Variants in CEMIP observed in about 807,000 individuals in gnomAD.
CEMIP encodes the protein cell migration inducing hyaluronidase 1.
A neutral mutation model predicts 156.9 loss-of-function variants in CEMIP; 105 were observed. The ratio of observed to expected loss-of-function variants is 0.67; its 90% confidence interval spans 0.57 to 0.79. The LOEUF is 0.79. Ranked by LOEUF, CEMIP falls within the 30% of genes least tolerant of loss-of-function variation. CEMIP has a pLI of 0.00. For missense variants in CEMIP, 1,457 were observed against 1,769.4 expected, an observed-to-expected ratio of 0.82 and a Z score of 3.17; for synonymous variants, 676 against 668.4, an observed-to-expected ratio of 1.01 and a Z score of -0.17.
chr15:80,943,831 C>T (rs920984424), intron 28 of CEMIP, among the ~76,000 whole-genome samples: 1 of 152,228 alleles, frequency 6.6e-6, no homozygotes, highest in Non-Finnish European at 1.5e-5. Flanking sequence ...GTTGCCCCAA[C>T]TCCAACCCAT....
intron 12 of CEMIP, chr15:80,901,099 A>C: frequency 2.6e-6 from 1 of 385,442 alleles, no homozygotes; most frequent in Non-Finnish European, 5.3e-6. Flanking sequence ...CCCTCCCTTG[A>C]TTTTCCACCC....
At chr15:80,895,643 T>C (rs1899193201) in intron 11 of CEMIP, among the ~76,000 whole-genome samples, 1 of 152,146 alleles carries the variant, frequency 6.6e-6, no homozygotes, top group Non-Finnish European at 1.5e-5. Flanking sequence ...AAGAAGTTAG[T>C]GGAAAATTCC....
At chr15:80,832,590 T>C (rs1234136150) in intron 1 of CEMIP, among the ~76,000 whole-genome samples, 1 of 152,132 alleles carries the variant, frequency 6.6e-6, no homozygotes, top group Non-Finnish European at 1.5e-5. Context: ...TTTGCCACTT[T>C]GGAAGCTGGA....
chr15:80,821,100 T>C (rs2141653327), intron 1 of CEMIP, among the ~76,000 whole-genome samples: 1 of 152,312 alleles, frequency 6.6e-6, no homozygotes, highest in Middle Eastern at 3.4e-3. Flanking sequence ...GCTCAGAATT[T>C]AGAGATGAGC....
At chr15:80,796,463 G>A (rs1263940435) in intron 1 of CEMIP, among the ~76,000 whole-genome samples, 1 of 152,202 alleles carries the variant, frequency 6.6e-6, no homozygotes, top group Non-Finnish European at 1.5e-5. Context: ...TATTCGAAAG[G>A]AGACTGCCAG....
chr15:80,866,684 G>A (rs1047082821), intron 1 of CEMIP, among the ~76,000 whole-genome samples: 31 of 151,754 alleles, frequency 2.0e-4, no homozygotes, highest in Admixed American at 1.2e-3. Context: ...TACTTGGGAG[G>A]CTGAGGCAGG....
intron 14 of CEMIP, among the ~76,000 whole-genome samples, chr15:80,916,071 A>G (rs1351835279): frequency 6.6e-6 from 1 of 152,208 alleles, no homozygotes; most frequent in Non-Finnish European, 1.5e-5. Context: ...TGTTTGTTTT[A>G]AACAGCAGTT....
At chr15:80,805,860 G>T (rs1283848362) in intron 1 of CEMIP, among the ~76,000 whole-genome samples, 2 of 152,096 alleles carry the variant, frequency 1.3e-5, no homozygotes, top group African/African-American at 2.4e-5. Context: ...ATTTAATTTT[G>T]TGTATAAAGG....
Position 80,943,021 on chromosome 15 carries a change from T to A in CEMIP, c.3776T>A (p.Val1259Glu). Residue 1259 changes from valine (V) to glutamate (E), a missense_variant, in exon 28 of 30, where the codon GTG (valine) becomes GAG (glutamate). By Grantham distance (121) the Val-to-Glu change is moderately radical. Transcript: ENST00000394685. ...ATTGACGGGAACCAAGGGCGCGTGG[T>A]GAGCCACACGAGCTTCAGGAACTCC... is the stretch of plus-strand genomic sequence containing the variant. ...VVIDGNQGRV[V>E]SHTSFRNSIL... 1 of 1,614,198 alleles carries A rather than the reference T, an allele frequency of 6.2e-7. No homozygotes were observed. The highest frequency in any genetic ancestry group is 1.1e-5 in the South Asian group (1 of 91,082).
chr15:80,853,268 G>T (rs1232674221), intron 1 of CEMIP, among the ~76,000 whole-genome samples: 1 of 152,190 alleles, frequency 6.6e-6, no homozygotes, highest in African/African-American at 2.4e-5. Context: ...GGGGGGAAAA[G>T]CATGGGGTTT....
rs1238736236 is a variant in CEMIP, at chr15:80,951,407, C to T, written c.*2483C>T. 1 of 152,536 alleles carries T rather than the reference C, an allele frequency of 6.6e-6. No individual in the cohort carries two copies. The highest frequency in any genetic ancestry group is 1.5e-5 in the Non-Finnish European group (1 of 68,026). The allele number at this position is 152,536 out of a possible 1,614,324, so 9.4% of individuals were successfully genotyped here. A position where few individuals can be genotyped will look rare whatever the true frequency, so the allele number is the denominator to read the frequency against. ...ATTTTCTTATTGCTTAGAAAATTGT[C>T]CTCCTTGTTATTTCTGTTTGTAAGA... On this transcript the variant is annotated 3_prime_UTR_variant, in exon 30 of 30. Transcript: ENST00000394685.
chr15:80,807,363 T>C (rs1176590787), intron 1 of CEMIP, among the ~76,000 whole-genome samples: 1 of 152,092 alleles, frequency 6.6e-6, no homozygotes, highest in African/African-American at 2.4e-5. Context: ...CCTAAGTAGC[T>C]GGGACTACAG....
chr15:80,891,052 C>G (rs1384620994), intron 10 of CEMIP, among the ~76,000 whole-genome samples: 1 of 152,190 alleles, frequency 6.6e-6, no homozygotes, highest in East Asian at 1.9e-4. Flanking sequence ...CTTGAATGTT[C>G]CAGCTTTAAT....
At chr15:80,894,903 T>A in intron 10 of CEMIP, 87 bp from the exon 11 acceptor site, 1 of 1,527,854 alleles carries the variant, frequency 6.5e-7, no homozygotes, top group Non-Finnish European at 9.1e-7. Context: ...TTTAGACTTC[T>A]GAGTATATGT....
chr15:80,829,976 G>GTA (rs1897120921), intron 1 of CEMIP, among the ~76,000 whole-genome samples: 2 of 132,734 alleles, frequency 1.5e-5, no homozygotes, highest in Non-Finnish European at 3.3e-5. Context: ...GTGTGTGTGT[G>GTA]TGTGTGTGTG....
chr15:80,864,058 C>G (rs908653221), intron 1 of CEMIP, among the ~76,000 whole-genome samples: 1 of 152,100 alleles, frequency 6.6e-6, no homozygotes, highest in African/African-American at 2.4e-5. Flanking sequence ...GCCAGGCTGC[C>G]GCGCAGAAAT....
intron 4 of CEMIP, 49 bp from the exon 5 acceptor site, chr15:80,879,667 T>C: frequency 6.2e-7 from 1 of 1,612,852 alleles, no homozygotes; most frequent in Non-Finnish European, 8.5e-7. Context: ...GATATAACCT[T>C]ACCCTTAACA....
chr15:80,937,702 G>A (rs1036818853), intron 24 of CEMIP, 92 bp from the exon 25 acceptor site: 2 of 1,165,856 alleles, frequency 1.7e-6, no homozygotes. Flanking sequence ...TCATTTGGTG[G>A]AGATTTTTTG....
chr15:80,780,768 A>G (rs1895770587), intron 1 of CEMIP, among the ~76,000 whole-genome samples: 1 of 152,170 alleles, frequency 6.6e-6, no homozygotes, highest in Non-Finnish European at 1.5e-5. Context: ...CTGCGTGCCC[A>G]GGCGCGACGC....
Sources: gnomAD v4.1 joint callset for allele counts (sites outside exome capture counted in the v4.1 genomes callset) on GRCh38, gnomAD v4.1.1 for gene constraint, MANE v1.5 for transcripts, NCBI Gene and HGNC (gene_info 2026-07-23, HGNC 2026-07-21) for gene names.